The following VPS41 variants were observed in gnomAD, a reference collection of about 807,000 sequenced individuals.
VPS41 encodes the protein VPS41 subunit of HOPS complex.
In VPS41, 85 loss-of-function variants were observed where a neutral mutation model predicts 130.9. The observed-to-expected ratio is 0.65, with a 90% CI of 0.55 to 0.78. VPS41 has a LOEUF of 0.78. Ranked by LOEUF, VPS41 falls within the 30% of genes least tolerant of loss-of-function variation. The pLI is 0.00. For synonymous variants in VPS41, 335 were observed against 332.9 expected (o/e 1.01, Z -0.07); for missense variants, 874 against 1,018.7 (o/e 0.86, Z 1.93).
intron 4 of VPS41, among the ~76,000 whole-genome samples, chr7:38,842,773 T>C (rs911814112): frequency 2.0e-5 from 3 of 152,250 alleles, no homozygotes; most frequent in Non-Finnish European, 2.9e-5. Context: ...TCACCTCCTA[T>C]GGGAAGGCCC....
intron 1 of VPS41, among the ~76,000 whole-genome samples, chr7:38,906,076 A>G (rs752870744): frequency 6.6e-6 from 1 of 151,936 alleles, no homozygotes; most frequent in Non-Finnish European, 1.5e-5. Flanking sequence ...GATTACAGGC[A>G]TGAGCCACCG....
At chr7:38,890,555 G>T (rs972785743) in intron 2 of VPS41, among the ~76,000 whole-genome samples, 1 of 152,138 alleles carries the variant, frequency 6.6e-6, no homozygotes, top group Non-Finnish European at 1.5e-5. Context: ...ATGTAATACG[G>T]GTGAAATCCA....
chr7:38,882,290 T>C (rs887367985), intron 2 of VPS41, among the ~76,000 whole-genome samples: 2 of 152,198 alleles, frequency 1.3e-5, no homozygotes, highest in Non-Finnish European at 2.9e-5. Context: ...TCCCTTGGTT[T>C]CTGGGGCACC....
At position 38,728,738 on chromosome 7, in the gene VPS41, T is replaced by C. The variant is rs772538887; in HGVS notation, c.2313A>G (p.Leu771=). 3 of 1,614,162 alleles carry C rather than the reference T, an allele frequency of 1.9e-6. No homozygotes were observed. Among genetic ancestry groups the C allele is most frequent in the Non-Finnish European group, 2.5e-6 (3 of 1,180,024 alleles). Residue 771 remains leucine, a synonymous_variant, in exon 26 of 29, where the codon TTA becomes TTG. Transcript: ENST00000310301. ...TTTGAGTTCGGTGCATTTTCTTCAG[T>C]AAGGACAAAGAGTCAGCTACGAGAA... The part of the protein sequence containing the change: ...KKILVADSLS[L]LKKMHRTQMK...
intron 1 of VPS41, among the ~76,000 whole-genome samples, chr7:38,902,009 C>T (rs1787156018): frequency 6.6e-6 from 1 of 152,124 alleles, no homozygotes; most frequent in African/African-American, 2.4e-5. Context: ...CTATCTGAGC[C>T]AATTCTGGGT....
intron 16 of VPS41, among the ~76,000 whole-genome samples, chr7:38,764,079 C>A (rs1015655267): frequency 6.6e-6 from 1 of 152,208 alleles, no homozygotes; most frequent in Non-Finnish European, 1.5e-5. Context: ...ACACTTTTTA[C>A]TGGGGACAGA....
Position 38,772,605 on chromosome 7 carries a change from C to G in VPS41, c.1045G>C (p.Val349Leu). 6.2e-7 allele frequency: 1 copy of G among 1,613,130 alleles called. No individual in the cohort carries two copies. Among genetic ancestry groups the G allele is most frequent in the East Asian group, 2.2e-5 (1 of 44,782 alleles). Residue 349 changes from valine to leucine, a missense_variant, in exon 13 of 29, where the codon GTG (valine) becomes CTG (leucine). Coordinates refer to ENST00000310301, the MANE Select transcript of VPS41 (RefSeq NM_014396.4). ...YSEGESLFYIVSPRDVVVAKE... is the reference protein window; with the variant it reads ...YSEGESLFYILSPRDVVVAKE... ...GCCACTACAACATCTCTCGGACTCACGATGTAAAAAAGTGATTCCCCTTCA... is the reference window on the plus strand; with the variant it reads ...GCCACTACAACATCTCTCGGACTCAGGATGTAAAAAAGTGATTCCCCTTCA...
intron 8 of VPS41, chr7:38,796,533 TA>T (rs1784624496): frequency 1.4e-6 from 1 of 710,954 alleles, no homozygotes; most frequent in Non-Finnish European, 2.5e-6. Context: ...TACTCTAAAA[TA>T]GATTCCAGAA....
intron 21 of VPS41, among the ~76,000 whole-genome samples, chr7:38,753,180 C>G (rs188928755): frequency 6.6e-6 from 1 of 152,236 alleles, no homozygotes; most frequent in East Asian, 1.9e-4. Flanking sequence ...ACCAATCCCA[C>G]GAGCATTAAC....
chr7:38,754,564 T>C (rs1783750160), intron 21 of VPS41, 138 bp downstream of exon 21: 1 of 673,422 alleles, frequency 1.5e-6, no homozygotes, highest in Non-Finnish European at 2.5e-6. Flanking sequence ...TTACAGAACA[T>C]TGTTTGTGGT....
chr7:38,743,573 C>A, intron 23 of VPS41, 31 bp from the exon 24 acceptor site: 2 of 1,597,686 alleles, frequency 1.3e-6, no homozygotes, highest in South Asian at 1.1e-5. Flanking sequence ...AGAAAGAGTT[C>A]ATTTAAGGTA....
intron 25 of VPS41, among the ~76,000 whole-genome samples, chr7:38,737,629 G>T (rs557108884): frequency 9.9e-5 from 15 of 152,198 alleles, no homozygotes; most frequent in African/African-American, 3.4e-4. Flanking sequence ...CAGGGGCGAG[G>T]GCCTGCTGGG....
At chr7:38,828,642 C>T (rs1243887953) in intron 5 of VPS41, among the ~76,000 whole-genome samples, 1 of 152,098 alleles carries the variant, frequency 6.6e-6, no homozygotes, top group African/African-American at 2.4e-5. Flanking sequence ...GGGTAGCTTA[C>T]ATGTAATTAT....
intron 4 of VPS41, among the ~76,000 whole-genome samples, chr7:38,843,661 G>C (rs1183453815): frequency 1.4e-5 from 2 of 146,052 alleles, no homozygotes. Context: ...CGGCCTGGGT[G>C]AAAGAGTGAG....
At chr7:38,834,628 A>G (rs777326047) in intron 4 of VPS41, among the ~76,000 whole-genome samples, 12 of 152,178 alleles carry the variant, frequency 7.9e-5, no homozygotes, top group Non-Finnish European at 1.8e-4. Context: ...GACTGTTAGC[A>G]TGGTGATGAT....
chr7:38,776,718 A>C lies in VPS41; in HGVS notation c.843T>G (p.Leu281=). ...TCTCCTTTACATACGAAAGTACAAC[A>C]AGCTGATCACAGAGAGGTGCAAGTC... ...ISGLAPLCDQ[L]VVLSYVKEIS... The change falls in exon 11 of 29, where the codon CTT becomes CTG. Residue 281 remains leucine, a synonymous_variant. Coordinates refer to ENST00000310301, the MANE Select transcript of VPS41 (RefSeq NM_014396.4). 1.9e-6 allele frequency: 3 copies of C among 1,612,444 alleles called. No homozygotes were observed. Among genetic ancestry groups the C allele is most frequent in the Non-Finnish European group, 2.5e-6 (3 of 1,178,692 alleles).
At position 38,723,518 on chromosome 7, in the gene VPS41, G is replaced by A. The variant is rs1795476949; in HGVS notation, c.*2728C>T. The A allele has an allele frequency of 6.6e-6, 1 of 151,968 alleles. No individual in the cohort carries two copies. Among genetic ancestry groups the A allele is most frequent in the African/African-American group, 2.4e-5 (1 of 41,334 alleles). 9.4% of individuals were successfully genotyped at this position (151,968 alleles called of 1,614,324 possible). A position where few individuals can be genotyped will look rare whatever the true frequency, so the allele number is the denominator to read the frequency against. ...GGTGGGCGGATTCCTGAGCTCAGGA[G>A]TTCGAGACCAGCTTGGGCAACATGG... is the stretch of plus-strand genomic sequence containing the variant. On this transcript the variant is annotated 3_prime_UTR_variant, in exon 29 of 29. Coordinates refer to ENST00000310301, the MANE Select transcript of VPS41 (RefSeq NM_014396.4).
In VPS41 at chr7:38,898,073, C is replaced by G; in HGVS notation, c.60+18G>C. On this transcript the variant is annotated intron_variant, in intron 2 of 28. Coordinates refer to ENST00000310301, the MANE Select transcript of VPS41 (RefSeq NM_014396.4). ...GTGGTGAGCTACAAATCCGAGGGCT[C>G]CTGAGTCACCACCTTACCTCAGACT... 1.2e-6 allele frequency: 2 copies of G among 1,612,508 alleles called. No homozygotes were observed. Among genetic ancestry groups the G allele is most frequent in the Non-Finnish European group, 1.7e-6 (2 of 1,178,618 alleles).
chr7:38,761,362 G>A (rs185694185), intron 17 of VPS41, among the ~76,000 whole-genome samples: 6 of 135,082 alleles, frequency 4.4e-5, no homozygotes, highest in East Asian at 4.6e-4. Flanking sequence ...TGCAACCTCC[G>A]CCTCCTAGGC....
Sources: gnomAD v4.1 joint callset for allele counts (sites outside exome capture counted in the v4.1 genomes callset) on GRCh38, gnomAD v4.1.1 for gene constraint, MANE v1.5 for transcripts, NCBI Gene and HGNC (gene_info 2026-07-23, HGNC 2026-07-21) for gene names.